The following DPYSL3 variants were observed in gnomAD, a reference collection of about 807,000 sequenced individuals.
DPYSL3 encodes the protein dihydropyrimidinase like 3.
In DPYSL3, 16 loss-of-function variants were observed where a neutral mutation model predicts 66.1. The ratio of observed to expected loss-of-function variants is 0.24; its 90% confidence interval spans 0.16 to 0.37. The LOEUF (loss-of-function observed/expected upper bound fraction) is 0.37. Ranked by LOEUF, DPYSL3 falls within the 10% of genes least tolerant of loss-of-function variation. The pLI is 1.00. For synonymous variants in DPYSL3, 338 were observed against 345.1 expected, an observed-to-expected ratio of 0.98 and a Z score of 0.23; for missense variants, 738 against 916.2, an observed-to-expected ratio of 0.81 and a Z score of 2.51.
At position 147,509,956 on chromosome 5, in the gene DPYSL3, G is replaced by A. The variant is rs1753736950; in HGVS notation, c.-98C>T. ...CCGAGCCACAGTGACTGTGGCGGGA[G>A]GAGGCGCCTGAGCCTTCGCGCCAGA... is the stretch of plus-strand genomic sequence containing the variant. On this transcript the variant is annotated 5_prime_UTR_variant, in exon 1 of 14. Coordinates refer to ENST00000343218, the MANE Select transcript of DPYSL3 (RefSeq NM_001197294.2). This position sits in a 1 kb window ranked among gnomAD's most constrained non-coding sequence, Gnocchi z 5.3. 2 of 1,431,644 alleles carry A rather than the reference G, an allele frequency of 1.4e-6. No individual in the cohort carries two copies. Among genetic ancestry groups the A allele is most frequent in the Non-Finnish European group, 1.8e-6 (2 of 1,095,470 alleles). The allele number at this position is 1,431,644 out of a possible 1,614,324, so 88.7% of individuals were successfully genotyped here. A position where few individuals can be genotyped will look rare whatever the true frequency, so the allele number is the denominator to read the frequency against.
At chr5:147,486,656 T>G (rs1753333664) in intron 1 of DPYSL3, among the ~76,000 whole-genome samples, 1 of 152,342 alleles carries the variant, frequency 6.6e-6, no homozygotes, top group East Asian at 1.9e-4. Context: ...AATAGATTTC[T>G]GACTGCTATT....
chr5:147,446,655 C>T (rs1355330093), intron 1 of DPYSL3, among the ~76,000 whole-genome samples: 2 of 152,196 alleles, frequency 1.3e-5, no homozygotes, highest in Non-Finnish European at 2.9e-5. Flanking sequence ...GAGAAAGGGC[C>T]TTAGACCCAG....
At chr5:147,441,154 A>T (rs1307147207) in intron 1 of DPYSL3, among the ~76,000 whole-genome samples, 1 of 152,110 alleles carries the variant, frequency 6.6e-6, no homozygotes, top group African/African-American at 2.4e-5. Flanking sequence ...TAATTTTTTC[A>T]TTCTTTGTTC....
At chr5:147,449,462 T>C (rs1752686663) in intron 1 of DPYSL3, among the ~76,000 whole-genome samples, 1 of 152,272 alleles carries the variant, frequency 6.6e-6, no homozygotes, top group African/African-American at 2.4e-5. Context: ...TTTACAGAAA[T>C]CCAATCAGTG....
rs1428949601 is a variant in DPYSL3 at position 147,401,569 on chromosome 5, A to C, written c.1281T>G (p.Thr427=). The C allele has an allele frequency of 6.2e-7, 1 of 1,613,384 alleles. No individual in the cohort carries two copies. Among genetic ancestry groups the C allele is most frequent in the East Asian group, 2.2e-5 (1 of 44,876 alleles). The part of the protein sequence containing the change: ...TSPPLSPDPT[T]PDYINSLLAS... The stretch of plus-strand genomic sequence containing the variant: ...CCAGCAAGGAGTTGATGTAGTCCGG[A>C]GTAGTTGGGTCAGGGCTCAGGGGTG... The change falls in exon 9 of 14, where the codon ACT becomes ACG. Residue 427 remains threonine (T), a synonymous_variant. Transcript: ENST00000343218.
In DPYSL3 at chr5:147,501,107, C is replaced by T. The variant is rs75317986; in HGVS notation, c.381+8371G>A. 3.4e-3 allele frequency among the ~76,000 whole-genome samples: 511 copies of T among 152,170 alleles called. 3 individuals carry two copies. Among genetic ancestry groups the T allele is most frequent in the African/African-American group, 0.01 (426 of 41,498 alleles). On this transcript the variant is annotated intron_variant, in intron 1 of 13. Coordinates refer to ENST00000343218, the MANE Select transcript of DPYSL3 (RefSeq NM_001197294.2). ...GTAGGTAAGTGAATAAATAAACGGC[C>T]GCACATCCAAATATTCAGCAAGAAA...
At chr5:147,434,730 C>A in intron 1 of DPYSL3, among the ~76,000 whole-genome samples, 1 of 125,874 alleles carries the variant, frequency 7.9e-6, no homozygotes, top group African/African-American at 3.2e-5. Context: ...CAGTGGTTAC[C>A]AGTTGGGGCG....
chr5:147,411,710 G>T (rs957952844), intron 6 of DPYSL3, among the ~76,000 whole-genome samples: 11 of 152,170 alleles, frequency 7.2e-5, no homozygotes, highest in Non-Finnish European at 1.0e-4. Context: ...CCTAGACATT[G>T]TTCCTACACC....
chr5:147,454,243 G>A (rs1752804788), intron 1 of DPYSL3: 1 of 152,198 alleles, frequency 6.6e-6, no homozygotes, highest in African/African-American at 2.4e-5. Flanking sequence ...CTCTGCCATG[G>A]CGCGGGTCGA....
intron 1 of DPYSL3, among the ~76,000 whole-genome samples, chr5:147,476,549 G>A (rs1287534044): frequency 6.6e-6 from 1 of 152,120 alleles, no homozygotes; most frequent in Non-Finnish European, 1.5e-5. Context: ...GCTTCAAAGA[G>A]GAAAAGAGAT....
intron 6 of DPYSL3, among the ~76,000 whole-genome samples, chr5:147,410,328 T>A (rs79419540): frequency 0.017 from 2,538 of 152,258 alleles, 72 homozygotes; most frequent in African/African-American, 0.058. Context: ...TGCTACTGAC[T>A]TTTCCTAATT....
At chr5:147,480,585 A>G (rs1369327876) in intron 1 of DPYSL3, among the ~76,000 whole-genome samples, 1 of 152,084 alleles carries the variant, frequency 6.6e-6, no homozygotes, top group Non-Finnish European at 1.5e-5. Flanking sequence ...TACTAAACCC[A>G]GGTTTTCCAC....
chr5:147,461,145 G>T (rs1172968002), intron 1 of DPYSL3, among the ~76,000 whole-genome samples: 1 of 152,190 alleles, frequency 6.6e-6, no homozygotes, highest in Non-Finnish European at 1.5e-5. Flanking sequence ...AGGGAGCCAG[G>T]CATGGTCAAC....
chr5:147,508,051 A>C (rs1316316153), intron 1 of DPYSL3, among the ~76,000 whole-genome samples: 1 of 152,240 alleles, frequency 6.6e-6, no homozygotes, highest in Non-Finnish European at 1.5e-5. Flanking sequence ...CAGTTTAGAT[A>C]TCAACCAAAA....
chr5:147,403,731 C>T (rs1758255565), intron 8 of DPYSL3, among the ~76,000 whole-genome samples: 1 of 152,154 alleles, frequency 6.6e-6, no homozygotes, highest in Admixed American at 6.5e-5. Context: ...CCCTGCTACA[C>T]TTTGTCTTGC....
At chr5:147,423,678 T>C (rs1319571469) in intron 2 of DPYSL3, among the ~76,000 whole-genome samples, 1 of 148,188 alleles carries the variant, frequency 6.7e-6, no homozygotes, top group Non-Finnish European at 1.5e-5. Flanking sequence ...TTGCTATGAT[T>C]GATGAAAGCA....
At chr5:147,427,632 C>T (rs1554114009) in intron 1 of DPYSL3, among the ~76,000 whole-genome samples, 1 of 152,168 alleles carries the variant, frequency 6.6e-6, no homozygotes, top group Non-Finnish European at 1.5e-5. Flanking sequence ...CTGTGCTCTA[C>T]ATCACCAAAT....
chr5:147,428,228 T>G (rs1404240539), intron 1 of DPYSL3, among the ~76,000 whole-genome samples: 2 of 152,178 alleles, frequency 1.3e-5, no homozygotes, highest in Admixed American at 1.3e-4. Flanking sequence ...GAGAAGAGAT[T>G]AAGAAGAGTT....
chr5:147,437,305 C>T (rs1002669960), intron 1 of DPYSL3, among the ~76,000 whole-genome samples: 1 of 152,148 alleles, frequency 6.6e-6, no homozygotes, highest in East Asian at 1.9e-4. Flanking sequence ...TCTGAAAGCC[C>T]GCCAAAATGC....
Sources: allele counts gnomAD v4.1 joint callset (sites outside exome capture counted in the v4.1 genomes callset), GRCh38; gene constraint gnomAD v4.1.1; non-coding constraint Gnocchi (gnomAD v3.1); transcripts MANE v1.5; gene names NCBI Gene and HGNC (gene_info 2026-07-23, HGNC 2026-07-21).